Variants in PCDH15 observed in about 807,000 individuals in gnomAD.
PCDH15 encodes protocadherin-15.
Under a neutral mutation model 178.5 loss-of-function variants are expected in PCDH15, and 129 were observed. That is an observed-to-expected ratio of 0.72 (90% confidence interval 0.63 to 0.84). The LOEUF (loss-of-function observed/expected upper bound fraction) is 0.84, where lower values mean the gene tolerates loss of function less well. PCDH15 is among the 40% of genes least tolerant of loss of function. The pLI is 0.00. For missense variants in PCDH15, 2,230 were observed against 2,099.9 expected (o/e 1.06, Z -1.21); for synonymous variants, 800 against 732.0 (o/e 1.09, Z -1.50).
chr10:55,095,606 T>C (rs921105698), intron 2 of PCDH15, among the ~76,000 whole-genome samples: 5 of 152,078 alleles, frequency 3.3e-5, no homozygotes, highest in Non-Finnish European at 1.5e-5. Context: ...GTTAACTATT[T>C]TACAATTTCC....
chr10:55,488,831 A>G (rs1232783065), intron 2 of PCDH15, among the ~76,000 whole-genome samples: 1 of 151,578 alleles, frequency 6.6e-6, no homozygotes, highest in African/African-American at 2.4e-5. Flanking sequence ...GTGAGCATTT[A>G]CAGCCTAAAA....
At chr10:54,958,563 A>C (rs1365298332) in intron 2 of PCDH15, among the ~76,000 whole-genome samples, 1 of 151,864 alleles carries the variant, frequency 6.6e-6, no homozygotes, top group African/African-American at 2.4e-5. Context: ...GATAGAAACA[A>C]ACAATAGTAA....
intron 2 of PCDH15, among the ~76,000 whole-genome samples, chr10:55,149,891 A>G (rs908012153): frequency 7.9e-5 from 12 of 152,064 alleles, no homozygotes; most frequent in African/African-American, 2.9e-4. Context: ...TGGTATGTAC[A>G]TATTGGATTA....
intron 23 of PCDH15, among the ~76,000 whole-genome samples, chr10:53,941,759 C>A (rs2384342): frequency 0.015 from 2,282 of 152,248 alleles, 66 homozygotes; most frequent in African/African-American, 0.052. Context: ...ACTGACTGTA[C>A]CATTTTGTAT....
chr10:54,311,238 A>C (rs1424185598), intron 8 of PCDH15, among the ~76,000 whole-genome samples: 1 of 152,078 alleles, frequency 6.6e-6, no homozygotes, highest in Non-Finnish European at 1.5e-5. Context: ...TGGTGCAATA[A>C]TTAAAGGAAG....
intron 21 of PCDH15, among the ~76,000 whole-genome samples, chr10:53,971,437 G>T (rs1414795443): frequency 1.3e-5 from 2 of 152,094 alleles, no homozygotes; most frequent in African/African-American, 4.8e-5. Context: ...TTTCTGGCTA[G>T]GGCAATCAGG....
chr10:54,999,584 T>A (rs1008621964), intron 2 of PCDH15, among the ~76,000 whole-genome samples: 1 of 152,084 alleles, frequency 6.6e-6, no homozygotes, highest in African/African-American at 2.4e-5. Context: ...CTGGCTTCAG[T>A]GTGGGAGGTG....
At chr10:54,172,287 C>G (rs1043876950) in intron 13 of PCDH15, among the ~76,000 whole-genome samples, 2 of 151,958 alleles carry the variant, frequency 1.3e-5, no homozygotes, top group African/African-American at 4.8e-5. Flanking sequence ...AGAAACACCC[C>G]CACTGAGCAC....
intron 1 of PCDH15, among the ~76,000 whole-genome samples, chr10:55,171,867 G>A (rs71492649): frequency 0.092 from 13,927 of 151,684 alleles, 738 homozygotes; most frequent in East Asian, 0.2. Flanking sequence ...TAGTAGTGAT[G>A]TACGCCAAAC....
chr10:54,044,726 C>G (rs1668297187), intron 18 of PCDH15, among the ~76,000 whole-genome samples: 1 of 152,106 alleles, frequency 6.6e-6, no homozygotes, highest in Non-Finnish European at 1.5e-5. Context: ...AAAGCAAATA[C>G]AGAAAGGCAG....
chr10:54,672,124 A>G (rs1451424082), intron 1 of PCDH15, among the ~76,000 whole-genome samples: 2 of 151,958 alleles, frequency 1.3e-5, no homozygotes, highest in African/African-American at 4.8e-5. Context: ...GTCTCTCATT[A>G]TTCCCAGATG....
intron 2 of PCDH15, among the ~76,000 whole-genome samples, chr10:55,480,938 AGAATTCAGCTGT>A (rs1418862866): frequency 6.6e-6 from 1 of 151,852 alleles, no homozygotes; most frequent in Non-Finnish European, 1.5e-5. Flanking sequence ...TACACCTGGT[AGAATTCAGCTGT>A]GAATCCATCT....
intron 2 of PCDH15, among the ~76,000 whole-genome samples, chr10:55,068,229 T>C (rs1455078002): frequency 6.6e-6 from 1 of 152,104 alleles, no homozygotes; most frequent in African/African-American, 2.4e-5. Context: ...CTTGTATAGT[T>C]TCAGATCTTA....
chr10:54,792,725 T>C (rs1951539216), intron 1 of PCDH15, among the ~76,000 whole-genome samples: 1 of 151,798 alleles, frequency 6.6e-6, no homozygotes, highest in Non-Finnish European at 1.5e-5. Flanking sequence ...TTCTCTGTGA[T>C]TACTTGGGAC....
At chr10:54,113,639 G>GACACACACACACACACACAAACACACAC (rs2095062822) in intron 15 of PCDH15, among the ~76,000 whole-genome samples, 1 of 149,750 alleles carries the variant, frequency 6.7e-6, no homozygotes, top group African/African-American at 2.5e-5. Context: ...TCCCAACACA[G>GACACACACACACACACACAAACACACAC]ACACACACAC....
At chr10:54,891,943 T>G (rs1954468978) in intron 3 of PCDH15, among the ~76,000 whole-genome samples, 2 of 152,088 alleles carry the variant, frequency 1.3e-5, no homozygotes, top group South Asian at 4.1e-4. Flanking sequence ...TGTAAAGGTC[T>G]GGGGGAACAA....
At chr10:54,129,332 C>A (rs973334392) in intron 15 of PCDH15, among the ~76,000 whole-genome samples, 11 of 152,048 alleles carry the variant, frequency 7.2e-5, no homozygotes, top group Admixed American at 6.6e-4. Flanking sequence ...ATTAAGATAA[C>A]TTGTTGAACA....
At chr10:54,837,773 G>T (rs2133757810) in intron 3 of PCDH15, among the ~76,000 whole-genome samples, 1 of 152,220 alleles carries the variant, frequency 6.6e-6, no homozygotes, top group South Asian at 2.1e-4. Context: ...TTGGAATCGA[G>T]ATACAAGGCT....
rs1009920815 is a variant in PCDH15 at position 54,463,980 on chromosome 10, C to T, written c.157+63832G>A. Among the ~76,000 whole-genome samples, 5 of 152,136 alleles carry T rather than the reference C, an allele frequency of 3.3e-5. No individual in the cohort carries two copies. In the East Asian group the frequency reaches 5.8e-4, roughly 18 times the overall value. ...ACAATGGATATATCTAAATAATAGG[C>T]GTTTGGATGTAGGGAAGCCAGAGAT... On this transcript the variant is annotated intron_variant, in intron 3 of 37. Transcript: ENST00000644397.
Sources: gnomAD v4.1 joint callset for allele counts (sites outside exome capture counted in the v4.1 genomes callset) on GRCh38, gnomAD v4.1.1 for gene constraint, MANE v1.5 for transcripts, NCBI Gene and HGNC (gene_info 2026-07-23, HGNC 2026-07-21) for gene names.